RANBP17: variants seen among roughly 807,000 people sequenced by gnomAD.
The protein encoded by RANBP17 is ran-binding protein 17.
Under a neutral mutation model 141.2 loss-of-function variants are expected in RANBP17, and 158 were observed. That is an observed-to-expected ratio of 1.12 (90% CI 0.98 to 1.28). RANBP17 has a LOEUF of 1.28. Ranked by LOEUF, RANBP17 falls within the 50% of genes most tolerant of loss-of-function variation. The pLI is 0.00. For missense variants in RANBP17, 1,438 were observed against 1,290.7 expected (o/e 1.11, Z -1.75); for synonymous variants, 430 against 450.0 (o/e 0.96, Z 0.56).
At chr5:170,989,715 A>G (rs1267253174) in intron 14 of RANBP17, among the ~76,000 whole-genome samples, 2 of 151,688 alleles carry the variant, frequency 1.3e-5, no homozygotes, top group African/African-American at 4.8e-5. Context: ...GTGTGTTTTT[A>G]TATTTTTTCC....
At chr5:171,171,498 A>T (rs1760096059) in intron 16 of RANBP17, among the ~76,000 whole-genome samples, 1 of 152,094 alleles carries the variant, frequency 6.6e-6, no homozygotes, top group Non-Finnish European at 1.5e-5. Context: ...TTGAATTTAT[A>T]TGGACATATA....
intron 18 of RANBP17, among the ~76,000 whole-genome samples, chr5:171,199,443 GA>G (rs886712544): frequency 1.3e-4 from 20 of 148,456 alleles, no homozygotes; most frequent in Admixed American, 4.0e-4. Flanking sequence ...AAAGAACCAG[GA>G]AAAAAAAAAT....
At chr5:170,919,216 A>G (rs1772228724) in intron 10 of RANBP17, among the ~76,000 whole-genome samples, 1 of 152,052 alleles carries the variant, frequency 6.6e-6, no homozygotes, top group South Asian at 2.1e-4. Context: ...GAATGATTAG[A>G]GGGAAGTAGA....
intron 14 of RANBP17, among the ~76,000 whole-genome samples, chr5:171,057,960 C>A (rs954063441): frequency 1.3e-5 from 2 of 151,980 alleles, no homozygotes; most frequent in Non-Finnish European, 2.9e-5. Context: ...CAGAGCCAAA[C>A]CATATCATAT....
intron 14 of RANBP17, among the ~76,000 whole-genome samples, chr5:171,110,066 C>A (rs1286701316): frequency 6.6e-6 from 1 of 151,762 alleles, no homozygotes; most frequent in Non-Finnish European, 1.5e-5. Flanking sequence ...TGTCTTTTTT[C>A]TTATTTATAT....
intron 22 of RANBP17, among the ~76,000 whole-genome samples, chr5:171,222,358 A>G (rs1353061964): frequency 6.6e-6 from 1 of 152,208 alleles, no homozygotes; most frequent in Non-Finnish European, 1.5e-5. Flanking sequence ...CCTTAAAACT[A>G]TAATAAACTC....
At chr5:171,253,709 A>C (rs1402595534) in intron 24 of RANBP17, among the ~76,000 whole-genome samples, 1 of 152,200 alleles carries the variant, frequency 6.6e-6, no homozygotes, top group Non-Finnish European at 1.5e-5. Context: ...TCTGTCAGTA[A>C]ATTTGAGCAT....
chr5:170,889,383 A>G (rs941001044), intron 3 of RANBP17, among the ~76,000 whole-genome samples: 1 of 152,132 alleles, frequency 6.6e-6, no homozygotes, highest in Non-Finnish European at 1.5e-5. Flanking sequence ...AAGACTATCT[A>G]CAAGTTTGGA....
intron 12 of RANBP17, among the ~76,000 whole-genome samples, chr5:170,929,692 G>C (rs1773192544): frequency 6.6e-6 from 1 of 152,094 alleles, no homozygotes; most frequent in African/African-American, 2.4e-5. Flanking sequence ...ACTTTGCCTG[G>C]TTTGGGTAAC....
chr5:170,942,148 A>T (rs1181849544), intron 12 of RANBP17, among the ~76,000 whole-genome samples: 2 of 152,124 alleles, frequency 1.3e-5, no homozygotes, highest in African/African-American at 4.8e-5. Flanking sequence ...TGAGAATCTA[A>T]TGTGTATAAT....
Position 170,862,028 on chromosome 5 carries a change from G to C in RANBP17, c.-6G>C. The C allele has an allele frequency of 6.8e-7, 1 of 1,460,908 alleles. No individual in the cohort carries two copies. The highest frequency in any genetic ancestry group is 9.0e-7 in the Non-Finnish European group (1 of 1,113,310). The allele number at this position is 1,460,908 out of a possible 1,614,324, so 90.5% of individuals were successfully genotyped here. ...GGCCGGCTGGCCGGCGCCGCCTCCTGGGAAGATGGCGCTGCACTTCCAGGT... is the reference window on the plus strand; with the variant it reads ...GGCCGGCTGGCCGGCGCCGCCTCCTCGGAAGATGGCGCTGCACTTCCAGGT... On this transcript the variant is annotated 5_prime_UTR_variant, in exon 1 of 28. Coordinates refer to ENST00000523189, the MANE Select transcript of RANBP17 (RefSeq NM_022897.5).
intron 25 of RANBP17, among the ~76,000 whole-genome samples, chr5:171,272,998 G>C (rs1323382619): frequency 6.6e-6 from 1 of 152,166 alleles, no homozygotes; most frequent in East Asian, 1.9e-4. Context: ...GTAGTCTTGA[G>C]AAGGTCAGAA....
intron 5 of RANBP17, among the ~76,000 whole-genome samples, chr5:170,896,726 A>G (rs558247227): frequency 2.0e-5 from 3 of 152,198 alleles, no homozygotes; most frequent in Non-Finnish European, 4.4e-5. Flanking sequence ...GCTACTGGGG[A>G]AGCTGAGGCA....
chr5:170,919,633 T>G lies in RANBP17; in HGVS notation c.1274+20T>G, dbSNP rs777964624. 1 of 1,532,302 alleles carries G rather than the reference T, an allele frequency of 6.5e-7. No individual in the cohort carries two copies. Among genetic ancestry groups the G allele is most frequent in the South Asian group, 1.3e-5 (1 of 78,798 alleles). 94.9% of individuals were successfully genotyped at this position (1,532,302 alleles called of 1,614,324 possible). On this transcript the variant is annotated intron_variant, in intron 11 of 27. Transcript: ENST00000523189. ...TGTGAGGTATTCAAAAACTAAATGT[T>G]TTTGTTGTATTTCCTTTTGACACTT...
intron 12 of RANBP17, among the ~76,000 whole-genome samples, chr5:170,933,486 G>A (rs1224940268): frequency 6.6e-6 from 1 of 152,072 alleles, no homozygotes; most frequent in Non-Finnish European, 1.5e-5. Context: ...TCCTTCTCTA[G>A]TTCTTTTAAT....
At chr5:171,156,181 T>C (rs1008111118) in intron 14 of RANBP17, among the ~76,000 whole-genome samples, 1 of 152,116 alleles carries the variant, frequency 6.6e-6, no homozygotes, top group Non-Finnish European at 1.5e-5. Context: ...ACAAGTACTA[T>C]ATTATATTCA....
intron 13 of RANBP17, among the ~76,000 whole-genome samples, chr5:170,955,466 C>CTA (rs10610368): frequency 0.019 from 2,377 of 123,036 alleles, 82 homozygotes; most frequent in African/African-American, 0.063. Flanking sequence ...ATATATATAT[C>CTA]TATATATATA....
chr5:171,040,222 C>G (rs1241943299), intron 14 of RANBP17, among the ~76,000 whole-genome samples: 1 of 152,098 alleles, frequency 6.6e-6, no homozygotes, highest in African/African-American at 2.4e-5. Context: ...CAACATAATG[C>G]AAATCAATAA....
intron 24 of RANBP17, among the ~76,000 whole-genome samples, chr5:171,243,590 A>C (rs1268339218): frequency 6.6e-6 from 1 of 152,200 alleles, no homozygotes; most frequent in East Asian, 1.9e-4. Context: ...CATTATAAGA[A>C]ACTAACAAAC....
Sources: gnomAD v4.1 joint callset for allele counts (sites outside exome capture counted in the v4.1 genomes callset) on GRCh38, gnomAD v4.1.1 for gene constraint, MANE v1.5 for transcripts, NCBI Gene and HGNC (gene_info 2026-07-23, HGNC 2026-07-21) for gene names.